The following LMO2 variants were observed in gnomAD, a reference collection of about 807,000 sequenced individuals.
LMO2 encodes LIM domain only 2.
In LMO2, 20 loss-of-function variants were observed where a neutral mutation model predicts 23.2. The observed-to-expected ratio is 0.86, with a 90% CI of 0.61 to 1.25. The LOEUF (loss-of-function observed/expected upper bound fraction) is 1.25. LMO2 is among the 50% of genes most tolerant of loss of function. The probability of loss-of-function intolerance (pLI) is 0.00; values close to 1 mark genes in which losing one functional copy is unlikely to be tolerated. For synonymous variants in LMO2, 123 were observed against 130.2 expected (o/e 0.94, Z 0.38); for missense variants, 270 against 315.3 (o/e 0.86, Z 1.09).
rs200358423 is a variant in LMO2 at position 33,864,769 on chromosome 11, G to T, written c.297C>A (p.Cys99Ter). The change falls in exon 5 of 6, where the codon TGC becomes TGA. Residue 99 changes from cysteine (C) to a stop codon, truncating the protein, a stop_gained. Transcript: ENST00000257818. LOFTEE classifies it high-confidence loss of function. The surrounding 1 kb of genome is among the most constrained non-coding windows in gnomAD (Gnocchi z 4.8). The part of the protein sequence containing the change: ...VLQIPPSLLT[C>*]GGCQQNIGDR... ...CCCCAATGTTCTGCTGGCAGCCGCC[G>T]CATGTCAGCAGGGATGGGGGGATCT... 1 of 1,613,794 alleles carries T rather than the reference G, an allele frequency of 6.2e-7. No individual in the cohort carries two copies. Among genetic ancestry groups the T allele is most frequent in the Admixed American group, 1.7e-5 (1 of 60,016 alleles).
Position 33,869,796 on chromosome 11 carries a change from C to A in LMO2, c.-80G>T. The stretch of plus-strand genomic sequence containing the variant: ...GCGCCGCCCGCGGGGATGGTGTGCG[C>A]CCGCCCGGCCGCCCGGAGCCCCTCG... On this transcript the variant is annotated 5_prime_UTR_variant, in exon 3 of 6. Coordinates refer to ENST00000257818, the MANE Select transcript of LMO2 (RefSeq NM_005574.4). The A allele has an allele frequency of 8.9e-7, 1 of 1,126,258 alleles. No homozygotes were observed. The highest frequency in any genetic ancestry group is 1.1e-6 in the Non-Finnish European group (1 of 921,730). 69.8% of individuals were successfully genotyped at this position (1,126,258 alleles called of 1,614,324 possible).
At chr11:33,860,664 G>A (rs548897544) in intron 5 of LMO2, among the ~76,000 whole-genome samples, 1 of 152,124 alleles carries the variant, frequency 6.6e-6, no homozygotes, top group East Asian at 1.9e-4. Context: ...TTAATACTTG[G>A]GAGGCTGAGG....
intron 3 of LMO2, 51 bp downstream of exon 3, chr11:33,869,659 C>G (rs1480955971): frequency 7.9e-7 from 1 of 1,258,698 alleles, no homozygotes; most frequent in Non-Finnish European, 1.0e-6. Context: ...GGCCGGGGCG[C>G]GCAGCCTGGC....
intron 5 of LMO2, among the ~76,000 whole-genome samples, chr11:33,862,389 C>G (rs1035209899): frequency 6.6e-6 from 1 of 152,168 alleles, no homozygotes; most frequent in African/African-American, 2.4e-5. Context: ...CACCGCCACC[C>G]CACCACTCCC....
At position 33,891,902 on chromosome 11, in the gene LMO2, G is replaced by A. The variant is rs909631926; in HGVS notation, c.-443C>T. 1.3e-5 allele frequency: 2 copies of A among 152,192 alleles called. No homozygotes were observed. Among genetic ancestry groups the A allele is most frequent in the Non-Finnish European group, 2.9e-5 (2 of 68,076 alleles). 9.4% of individuals were successfully genotyped at this position (152,192 alleles called of 1,614,324 possible). A position where few individuals can be genotyped will look rare whatever the true frequency, so the allele number is the denominator to read the frequency against. ...CTTTGCACCTGTTCCTTCTCGGGAG[G>A]CCCTGGCACCCTAGCACCTGGTGCC... On this transcript the variant is annotated 5_prime_UTR_variant, in exon 1 of 6. Coordinates refer to ENST00000257818, the MANE Select transcript of LMO2 (RefSeq NM_005574.4).
At chr11:33,878,128 G>T (rs1857180767) in intron 2 of LMO2, among the ~76,000 whole-genome samples, 1 of 148,440 alleles carries the variant, frequency 6.7e-6, no homozygotes, top group African/African-American at 2.5e-5. Context: ...GAAATTCTAT[G>T]TGTGATTCTG....
At chr11:33,887,452 G>A (rs1486332523) in intron 1 of LMO2, among the ~76,000 whole-genome samples, 1 of 151,962 alleles carries the variant, frequency 6.6e-6, no homozygotes, top group Non-Finnish European at 1.5e-5. Flanking sequence ...TATTCAATAT[G>A]TTTGGGATAG....
At chr11:33,875,293 G>T (rs1857109329) in intron 2 of LMO2, among the ~76,000 whole-genome samples, 1 of 152,038 alleles carries the variant, frequency 6.6e-6, no homozygotes, top group Admixed American at 6.6e-5. Flanking sequence ...AAAATGTTTG[G>T]GCGGCCGGGC....
chr11:33,885,786 G>A (rs907508806), intron 1 of LMO2, among the ~76,000 whole-genome samples: 1 of 152,208 alleles, frequency 6.6e-6, no homozygotes, highest in Admixed American at 6.5e-5. Flanking sequence ...GGTAGATGAT[G>A]TGGGTAACTG....
intron 2 of LMO2, among the ~76,000 whole-genome samples, chr11:33,875,711 T>A (rs1857123662): frequency 6.6e-6 from 1 of 151,958 alleles, no homozygotes; most frequent in African/African-American, 2.4e-5. Flanking sequence ...CCCCACCTTC[T>A]CCTTTGGGTA....
intron 5 of LMO2, among the ~76,000 whole-genome samples, chr11:33,861,258 G>GT (rs1856568834): frequency 6.6e-6 from 1 of 152,250 alleles, no homozygotes; most frequent in African/African-American, 2.4e-5. Context: ...CTTTAGGACA[G>GT]TTTTAGGTGA....
intron 1 of LMO2, among the ~76,000 whole-genome samples, chr11:33,888,637 C>T (rs576492888): frequency 6.6e-6 from 1 of 152,128 alleles, no homozygotes; most frequent in Non-Finnish European, 1.5e-5. Flanking sequence ...ACTAATAACC[C>T]GGGCCAGCGC....
chr11:33,880,742 C>CGG lies in LMO2; in HGVS notation c.-272+1081_-272+1082insCC. On this transcript the variant is annotated intron_variant, in intron 2 of 5. Coordinates refer to ENST00000257818, the MANE Select transcript of LMO2 (RefSeq NM_005574.4). This position sits in a 1 kb window ranked among gnomAD's most constrained non-coding sequence, Gnocchi z 4.3. ...TAAAGACCATTCCCTAGGTGTAGCT[C>CGG]TGTTCCTACATGCAAAATTTTACAT... The CGG allele has an allele frequency of 5.7e-6, 1 of 174,654 alleles. No individual in the cohort carries two copies. The highest frequency in any genetic ancestry group is 1.3e-4 in the South Asian group (1 of 7,900). 10.8% of individuals were successfully genotyped at this position (174,654 alleles called of 1,614,324 possible). A position where few individuals can be genotyped will look rare whatever the true frequency, so the allele number is the denominator to read the frequency against.
At chr11:33,867,434 T>C (rs1447310292) in intron 4 of LMO2, among the ~76,000 whole-genome samples, 1 of 152,236 alleles carries the variant, frequency 6.6e-6, no homozygotes, top group African/African-American at 2.4e-5. Context: ...TAATTAATGA[T>C]AATATCACAT....
chr11:33,859,531 A>G lies in LMO2; in HGVS notation c.509T>C (p.Ile170Thr). 6.2e-7 allele frequency: 1 copy of G among 1,614,128 alleles called. No individual in the cohort carries two copies. Among genetic ancestry groups the G allele is most frequent in the Non-Finnish European group, 8.5e-7 (1 of 1,180,036 alleles). The part of the protein sequence containing the change: ...DGLCASCDKR[I>T]RAYEMTMRVK... ...CCGCATTGTCATCTCATAGGCACGAATCCGCTTGTCACAGGATGCGCAGAG... is the reference window on the plus strand; with the variant it reads ...CCGCATTGTCATCTCATAGGCACGAGTCCGCTTGTCACAGGATGCGCAGAG... Residue 170 changes from isoleucine to threonine, a missense_variant, in exon 6 of 6, where the codon ATT (isoleucine) becomes ACT (threonine). This residue lies in a region of LMO2 where 100 missense variants were observed against 153.3 expected (regional missense o/e 0.65). Transcript: ENST00000257818.
intron 2 of LMO2, among the ~76,000 whole-genome samples, chr11:33,875,494 C>A (rs2133705710): frequency 6.8e-6 from 1 of 148,094 alleles, no homozygotes; most frequent in East Asian, 2.0e-4. Context: ...AGGAGAATTG[C>A]TTGAACCTGG....
chr11:33,867,982 C>A (rs2133695638), intron 4 of LMO2, among the ~76,000 whole-genome samples: 1 of 152,246 alleles, frequency 6.6e-6, no homozygotes, highest in East Asian at 1.9e-4. Context: ...ATCAAACCAC[C>A]CTTTAAACCC....
In LMO2 at chr11:33,888,912, G is replaced by C. The variant is rs980988809; in HGVS notation, c.-336+2883C>G. 2.6e-5 allele frequency among the ~76,000 whole-genome samples: 4 copies of C among 152,204 alleles called. No homozygotes were observed. The South Asian group carries it at 8.3e-4, about 31-fold the overall frequency. On this transcript the variant is annotated intron_variant, in intron 1 of 5. Transcript: ENST00000257818. ...ATTATCATCCTGATTCAATGAAAGG[G>C]AAAACTGAGGCTCAGGAAGGGTACG... is the stretch of plus-strand genomic sequence containing the variant.
At chr11:33,886,796 T>C (rs529385288) in intron 1 of LMO2, among the ~76,000 whole-genome samples, 154 of 152,228 alleles carry the variant, frequency 1.0e-3, no homozygotes, top group Middle Eastern at 3.4e-3. Context: ...TGGTGGTAGG[T>C]GTCAGTCCAG....
Sources: gnomAD v4.1 joint callset for allele counts (sites outside exome capture counted in the v4.1 genomes callset) on GRCh38, gnomAD v4.1.1 for gene constraint, gnomAD v4.1.1 regional missense constraint, Gnocchi (gnomAD v3.1) non-coding constraint, MANE v1.5 for transcripts, NCBI Gene and HGNC (gene_info 2026-07-23, HGNC 2026-07-21) for gene names.